The following CPE variants were observed in gnomAD, a reference collection of about 807,000 sequenced individuals.
CPE encodes the protein carboxypeptidase E, also known as carbocypeptidase E.
Under a neutral mutation model 53.5 loss-of-function variants are expected in CPE, and 17 were observed. The observed-to-expected ratio is 0.32, with a 90% confidence interval of 0.22 to 0.48. The LOEUF is 0.48. CPE is among the 20% of genes least tolerant of loss of function. CPE has a pLI of 0.99. For missense variants in CPE, 524 were observed against 614.7 expected (o/e 0.85, Z 1.56); for synonymous variants, 226 against 228.8 (o/e 0.99, Z 0.11).
intron 3 of CPE, among the ~76,000 whole-genome samples, chr4:165,479,082 T>C (rs1171009717): frequency 2.0e-5 from 3 of 152,146 alleles, no homozygotes; most frequent in Non-Finnish European, 4.4e-5. Flanking sequence ...AGAGGAGGAC[T>C]GAAAATAAAT....
intron 1 of CPE, among the ~76,000 whole-genome samples, chr4:165,454,872 C>T (rs1475667019): frequency 1.3e-5 from 2 of 152,330 alleles, no homozygotes; most frequent in East Asian, 3.8e-4. Flanking sequence ...AAGCAAGATA[C>T]AGCGCCTGCT....
chr4:165,462,337 TTAAA>T (rs1286579202), intron 1 of CPE, among the ~76,000 whole-genome samples: 1 of 152,134 alleles, frequency 6.6e-6, no homozygotes, highest in Non-Finnish European at 1.5e-5. Flanking sequence ...CTTTAATTGA[TTAAA>T]AAAAGATTTA....
chr4:165,385,812 A>G (rs1730582669), intron 1 of CPE, among the ~76,000 whole-genome samples: 1 of 152,186 alleles, frequency 6.6e-6, no homozygotes, highest in South Asian at 2.1e-4. Context: ...GGCAATATCA[A>G]CATTTTCATT....
At chr4:165,422,893 C>G (rs1023374509) in intron 1 of CPE, among the ~76,000 whole-genome samples, 41 of 146,296 alleles carry the variant, frequency 2.8e-4, no homozygotes, top group African/African-American at 1.0e-3. Flanking sequence ...AGGAGAATGG[C>G]GTGAACTCGG....
intron 1 of CPE, among the ~76,000 whole-genome samples, chr4:165,453,148 C>T (rs1008630089): frequency 2.0e-5 from 3 of 151,654 alleles, no homozygotes; most frequent in Admixed American, 6.6e-5. Context: ...TTAGTAGAGA[C>T]GGGGTTTTAC....
chr4:165,497,312 A>G (rs547083759), intron 8 of CPE, among the ~76,000 whole-genome samples, 200 bp from the exon 9 acceptor site: 9 of 152,318 alleles, frequency 5.9e-5, no homozygotes, highest in Admixed American at 2.0e-4. Flanking sequence ...GACATTTCAA[A>G]CATAAGGCTT....
chr4:165,483,378 T>A (rs929437826), intron 4 of CPE, among the ~76,000 whole-genome samples: 1 of 152,272 alleles, frequency 6.6e-6, no homozygotes, highest in Non-Finnish European at 1.5e-5. Flanking sequence ...ATTTTCTTTA[T>A]CTAATCAACC....
At chr4:165,497,048 G>C (rs1480747952) in intron 8 of CPE, among the ~76,000 whole-genome samples, 2 of 152,084 alleles carry the variant, frequency 1.3e-5, no homozygotes, top group East Asian at 3.9e-4. Flanking sequence ...TCAGCCTCCT[G>C]AGTAGCTGGG....
intron 1 of CPE, among the ~76,000 whole-genome samples, chr4:165,457,228 G>A (rs1731917331): frequency 6.6e-6 from 1 of 152,156 alleles, no homozygotes. Flanking sequence ...CAGGAAATTT[G>A]TGAGCCAAGT....
chr4:165,381,278 T>C (rs906786624), intron 1 of CPE: 19 of 456,182 alleles, frequency 4.2e-5, no homozygotes, highest in Admixed American at 1.6e-4. Flanking sequence ...ATCCTTCTTT[T>C]AGATTGCAAG....
chr4:165,389,272 A>G (rs1407927142), intron 1 of CPE, among the ~76,000 whole-genome samples: 1 of 152,152 alleles, frequency 6.6e-6, no homozygotes, highest in Non-Finnish European at 1.5e-5. Flanking sequence ...CTTTGTTTTA[A>G]ATTTCAAATT....
At chr4:165,447,819 C>CT (rs949902410) in intron 1 of CPE, among the ~76,000 whole-genome samples, 12 of 151,742 alleles carry the variant, frequency 7.9e-5, no homozygotes, top group African/African-American at 2.7e-4. Flanking sequence ...TTTTTAAATT[C>CT]TTTTTTTAAA....
intron 1 of CPE, among the ~76,000 whole-genome samples, chr4:165,412,331 C>T (rs6848504): frequency 0.56 from 84,555 of 151,930 alleles, 24,120 homozygotes; most frequent in African/African-American, 0.68. Flanking sequence ...TTAAGTTATG[C>T]TGACACCTTA....
chr4:165,434,605 A>G (rs1468041490), intron 1 of CPE, among the ~76,000 whole-genome samples: 1 of 152,192 alleles, frequency 6.6e-6, no homozygotes, highest in African/African-American at 2.4e-5. Context: ...AACGATGAGC[A>G]CTAATATGGC....
intron 6 of CPE, among the ~76,000 whole-genome samples, chr4:165,492,638 G>A (rs1004669524): frequency 1.3e-5 from 2 of 152,162 alleles, no homozygotes; most frequent in Admixed American, 6.5e-5. Flanking sequence ...TGAGCAAGCA[G>A]GGGGTACGTG....
At chr4:165,493,621 G>T (rs1383354344) in intron 7 of CPE, among the ~76,000 whole-genome samples, 1 of 152,228 alleles carries the variant, frequency 6.6e-6, no homozygotes, top group Admixed American at 6.5e-5. Context: ...TCTAGTCTCT[G>T]TTAAGAAGTG....
intron 6 of CPE, among the ~76,000 whole-genome samples, chr4:165,490,490 G>A (rs766971930): frequency 2.6e-5 from 4 of 151,724 alleles, no homozygotes; most frequent in South Asian, 2.1e-4. Context: ...AAAATTAGCC[G>A]GGCGTGGTGG....
intron 1 of CPE, among the ~76,000 whole-genome samples, chr4:165,449,759 G>T (rs1467837616): frequency 8.6e-5 from 13 of 151,046 alleles, no homozygotes; most frequent in Non-Finnish European, 4.4e-5. Context: ...TTTTTTTCTG[G>T]GTTTGGGGCA....
chr4:165,379,604 G>T lies in CPE; in HGVS notation c.307+76G>T. On this transcript the variant is annotated intron_variant, in intron 1 of 8. Coordinates refer to ENST00000402744, the MANE Select transcript of CPE (RefSeq NM_001873.4). This position sits in a 1 kb window ranked among gnomAD's most constrained non-coding sequence, Gnocchi z 6.0. ...CAGAGGGTGGGACTGGTGGCGGTGG[G>T]GGAAGGAGGGAGGGATGGGCCCAGG... 4.0e-6 allele frequency: 5 copies of T among 1,245,416 alleles called. No individual in the cohort carries two copies. The highest frequency in any genetic ancestry group is 1.5e-5 in the African/African-American group (1 of 64,944). 77.1% of individuals were successfully genotyped at this position (1,245,416 alleles called of 1,614,324 possible).
Sources: gnomAD v4.1 joint callset for allele counts (sites outside exome capture counted in the v4.1 genomes callset) on GRCh38, gnomAD v4.1.1 for gene constraint, Gnocchi (gnomAD v3.1) non-coding constraint, MANE v1.5 for transcripts, NCBI Gene and HGNC (gene_info 2026-07-23, HGNC 2026-07-21) for gene names.